Variants in OXR1 observed in about 807,000 individuals in gnomAD.
OXR1 encodes oxidation resistance protein 1.
OXR1 carries 41 observed loss-of-function variants against 104.6 expected under a neutral mutation model. The observed-to-expected ratio is 0.39, with a 90% confidence interval of 0.31 to 0.51. The LOEUF (loss-of-function observed/expected upper bound fraction) is 0.51, where lower values mean the gene tolerates loss of function less well. Ranked by LOEUF, OXR1 falls within the 20% of genes least tolerant of loss-of-function variation. The pLI is 0.77. For missense variants in OXR1, 955 were observed against 1,031.9 expected, an observed-to-expected ratio of 0.93 and a Z score of 1.02; for synonymous variants, 348 against 348.4, an observed-to-expected ratio of 1.00 and a Z score of 0.01.
intron 6 of OXR1, among the ~76,000 whole-genome samples, chr8:106,688,219 ATAAG>A (rs1355361239): frequency 2.0e-5 from 3 of 152,168 alleles, no homozygotes; most frequent in Non-Finnish European, 4.4e-5. Flanking sequence ...AATGTTTAAA[ATAAG>A]TAATATGAAA....
chr8:106,346,543 G>A (rs934408488), intron 1 of OXR1, among the ~76,000 whole-genome samples: 14 of 151,840 alleles, frequency 9.2e-5, no homozygotes, highest in African/African-American at 3.4e-4. Flanking sequence ...GGTTAATAAA[G>A]TTGCTGTGAA....
intron 3 of OXR1, among the ~76,000 whole-genome samples, chr8:106,678,185 T>C (rs1357228745): frequency 6.6e-6 from 1 of 151,972 alleles, no homozygotes; most frequent in Non-Finnish European, 1.5e-5. Context: ...ATTTTGATAT[T>C]ATTATTATTT....
intron 2 of OXR1, among the ~76,000 whole-genome samples, chr8:106,392,460 G>A (rs932037788): frequency 6.6e-6 from 1 of 152,016 alleles, no homozygotes; most frequent in African/African-American, 2.4e-5. Flanking sequence ...TTTTTTCCAG[G>A]TGAGTTAGAG....
chr8:106,519,466 A>G (rs1271474413), intron 3 of OXR1, among the ~76,000 whole-genome samples: 2 of 152,056 alleles, frequency 1.3e-5, no homozygotes, highest in African/African-American at 4.8e-5. Context: ...TGCTATTTTC[A>G]TTTTAGCCAT....
intron 3 of OXR1, among the ~76,000 whole-genome samples, chr8:106,642,363 T>G (rs146369058): frequency 1.6e-4 from 25 of 152,226 alleles, no homozygotes; most frequent in African/African-American, 5.1e-4. Context: ...ACAAGAGAAG[T>G]TTATTCTTGT....
At chr8:106,599,846 G>T (rs1013808816) in intron 3 of OXR1, among the ~76,000 whole-genome samples, 8 of 152,184 alleles carry the variant, frequency 5.3e-5, no homozygotes, top group Admixed American at 1.3e-4. Context: ...GGGGTGTTGG[G>T]GGTTGGGGAG....
chr8:106,744,430 G>A (rs1310614509), intron 15 of OXR1, among the ~76,000 whole-genome samples: 3 of 152,080 alleles, frequency 2.0e-5, no homozygotes, highest in South Asian at 4.1e-4. Flanking sequence ...TACTTGGGAT[G>A]GCACCAAACA....
chr8:106,460,270 C>T (rs575695406), intron 2 of OXR1, among the ~76,000 whole-genome samples: 1 of 152,240 alleles, frequency 6.6e-6, no homozygotes, highest in East Asian at 1.9e-4. Context: ...TACATTACAC[C>T]ATCGGAGTCT....
intron 3 of OXR1, among the ~76,000 whole-genome samples, chr8:106,574,501 C>T (rs544866320): frequency 3.9e-5 from 6 of 152,356 alleles, no homozygotes; most frequent in East Asian, 1.9e-4. Context: ...ATGGCCACAC[C>T]TAGCACTAAG....
At chr8:106,683,687 A>G (rs1828407051) in intron 5 of OXR1, among the ~76,000 whole-genome samples, 1 of 152,140 alleles carries the variant, frequency 6.6e-6, no homozygotes, top group South Asian at 2.1e-4. Flanking sequence ...AATCTAGCCT[A>G]CTTTTGTTGT....
At chr8:106,562,770 T>C (rs1469144561) in intron 3 of OXR1, among the ~76,000 whole-genome samples, 1 of 152,194 alleles carries the variant, frequency 6.6e-6, no homozygotes, top group Non-Finnish European at 1.5e-5. Context: ...ACAGCGGATC[T>C]CTTTGCAGAA....
intron 2 of OXR1, among the ~76,000 whole-genome samples, chr8:106,416,290 C>G (rs1818675833): frequency 6.6e-6 from 1 of 152,008 alleles, no homozygotes; most frequent in African/African-American, 2.4e-5. Flanking sequence ...AGTAATAAAT[C>G]TGGTTTAACA....
At chr8:106,601,410 T>C (rs1439530996) in intron 3 of OXR1, among the ~76,000 whole-genome samples, 1 of 152,142 alleles carries the variant, frequency 6.6e-6, no homozygotes, top group African/African-American at 2.4e-5. Context: ...CGCAAGCAGA[T>C]CTGGGTCTGG....
intron 3 of OXR1, among the ~76,000 whole-genome samples, chr8:106,663,993 C>A (rs1009389472): frequency 7.2e-5 from 11 of 152,158 alleles, no homozygotes; most frequent in Non-Finnish European, 1.6e-4. Flanking sequence ...TAGAAGATAA[C>A]CCTAGCTGGC....
chr8:106,355,429 A>C (rs1374004778), intron 1 of OXR1, among the ~76,000 whole-genome samples: 2 of 152,156 alleles, frequency 1.3e-5, no homozygotes, highest in Non-Finnish European at 2.9e-5. Flanking sequence ...TAACAAGCCC[A>C]ATACAGGGTT....
intron 2 of OXR1, among the ~76,000 whole-genome samples, chr8:106,499,884 G>GC (rs1297201092): frequency 6.6e-6 from 1 of 152,216 alleles, no homozygotes; most frequent in Non-Finnish European, 1.5e-5. Flanking sequence ...TCTCAGCAGT[G>GC]ACTTGCAATT....
intron 2 of OXR1, among the ~76,000 whole-genome samples, chr8:106,505,419 A>T (rs2129983346): frequency 6.6e-6 from 1 of 152,326 alleles, no homozygotes; most frequent in Admixed American, 6.5e-5. Flanking sequence ...TTTTGAAGTG[A>T]CTTCTAAAAG....
intron 3 of OXR1, among the ~76,000 whole-genome samples, chr8:106,631,418 A>T (rs1201964334): frequency 6.6e-6 from 1 of 152,234 alleles, no homozygotes; most frequent in Non-Finnish European, 1.5e-5. Flanking sequence ...GATGGAACAC[A>T]AAATTAAGGT....
chr8:106,669,656 A>G (rs1281691938), intron 3 of OXR1, among the ~76,000 whole-genome samples: 2 of 152,050 alleles, frequency 1.3e-5, no homozygotes, highest in Non-Finnish European at 2.9e-5. Flanking sequence ...AATGTTTTAA[A>G]TAGTCAAACT....
Sources: gnomAD v4.1 joint callset for allele counts (sites outside exome capture counted in the v4.1 genomes callset) on GRCh38, gnomAD v4.1.1 for gene constraint, MANE v1.5 for transcripts, NCBI Gene and HGNC (gene_info 2026-07-23, HGNC 2026-07-21) for gene names.